The following TGFBRAP1 variants were observed in gnomAD, a reference collection of about 807,000 sequenced individuals.
TGFBRAP1 encodes the protein transforming growth factor-beta receptor-associated protein 1.
In TGFBRAP1, 20 loss-of-function variants were observed where a neutral mutation model predicts 83.2. The observed-to-expected ratio is 0.24, with a 90% CI of 0.17 to 0.35. TGFBRAP1 has a LOEUF of 0.35. Ranked by LOEUF, TGFBRAP1 falls within the 10% of genes least tolerant of loss-of-function variation. The pLI is 1.00. For synonymous variants in TGFBRAP1, 415 were observed against 459.8 expected (o/e 0.90, Z 1.25); for missense variants, 950 against 1,099.4 (o/e 0.86, Z 1.92).
At chr2:105,262,035 G>A (rs956924025), downstream of TGFBRAP1, among the ~76,000 whole-genome samples, 6 of 152,130 alleles carry the variant, frequency 3.9e-5, no homozygotes, top group African/African-American at 1.2e-4. Flanking sequence ...GGTCCTAGAG[G>A]ACATCTTTTG....
the TGFBRAP1 span, among the ~76,000 whole-genome samples, chr2:105,250,568 TCCTCTCCCTCTC>T: frequency 1.1e-5 from 1 of 91,388 alleles, no homozygotes; most frequent in African/African-American, 6.2e-5. Context: ...GAAAGGCTCC[TCCTCTCCCTCTC>T]CCTCCTCTCC....
At chr2:105,257,783 C>G in the TGFBRAP1 span, among the ~76,000 whole-genome samples, 1 of 152,238 alleles carries the variant, frequency 6.6e-6, no homozygotes, top group Non-Finnish European at 1.5e-5. Flanking sequence ...CTGCTTATTG[C>G]CCTAATCCCT....
downstream of TGFBRAP1, chr2:105,264,333 G>C (rs1436182037): frequency 6.6e-6 from 1 of 152,212 alleles, no homozygotes; most frequent in African/African-American, 2.4e-5. Context: ...CAAGTCCTCT[G>C]TAGGTGCTAG....
At chr2:105,267,865 G>A (rs1328341477) in intron 11 of TGFBRAP1, 1 of 985,444 alleles carries the variant, frequency 1.0e-6, no homozygotes, top group Non-Finnish European at 1.2e-6. Flanking sequence ...ATCATTTCAA[G>A]CAAGGCCTGT....
chr2:105,289,349 C>A (rs574436562), intron 4 of TGFBRAP1, among the ~76,000 whole-genome samples: 27 of 152,114 alleles, frequency 1.8e-4, no homozygotes, highest in Admixed American at 4.6e-4. Flanking sequence ...GTATTTTTTT[C>A]TCCTGTACTT....
At chr2:105,316,479 GCA>G (rs1384370823) in intron 1 of TGFBRAP1, among the ~76,000 whole-genome samples, 9,669 of 68,302 alleles carry the variant, frequency 0.14, 479 homozygotes, top group East Asian at 0.28. Flanking sequence ...GCGCGCGCGC[GCA>G]CGCGCACATA....
chr2:105,284,303 C>T lies in TGFBRAP1; in HGVS notation c.1121+13G>A. On this transcript the variant is annotated intron_variant, in intron 5 of 11. Transcript: ENST00000393359. ...ACTGTAGTGGCAGTCTTGCTACCAG[C>T]ACCTCAAATTACCTGAAGAGCTCTT... The T allele has an allele frequency of 1.2e-6, 2 of 1,613,370 alleles. No homozygotes were observed. The highest frequency in any genetic ancestry group is 1.7e-6 in the Non-Finnish European group (2 of 1,179,432).
chr2:105,270,633 A>T (rs896415159), intron 10 of TGFBRAP1, among the ~76,000 whole-genome samples: 1 of 152,244 alleles, frequency 6.6e-6, no homozygotes, highest in African/African-American at 2.4e-5. Flanking sequence ...GCTGTCGCTT[A>T]GGCCTGAAGA....
chr2:105,254,957 C>G, the TGFBRAP1 span, among the ~76,000 whole-genome samples: 1 of 152,300 alleles, frequency 6.6e-6, no homozygotes, highest in Non-Finnish European at 1.5e-5. Context: ...GCATCTTGGT[C>G]TTGGACTTCC....
At chr2:105,261,015 C>T (rs1676776257), downstream of TGFBRAP1, among the ~76,000 whole-genome samples, 1 of 152,156 alleles carries the variant, frequency 6.6e-6, no homozygotes, top group Admixed American at 6.5e-5. Flanking sequence ...CTCTCCTGTA[C>T]TCTGTGTTAA....
In TGFBRAP1 at chr2:105,269,259, G is replaced by T. The variant is rs760768177; in HGVS notation, c.2406+13C>A. 6.3e-7 allele frequency: 1 copy of T among 1,578,482 alleles called. No individual in the cohort carries two copies. The highest frequency in any genetic ancestry group is 1.7e-5 in the Admixed American group (1 of 58,288). Reference sequence around the variant, plus strand: ...GACTGACCAGGAAGCAGCTCGTGGGGGCCAGCACTTACCTTATCGTAGGTG... The same window carrying T: ...GACTGACCAGGAAGCAGCTCGTGGGTGCCAGCACTTACCTTATCGTAGGTG... On this transcript the variant is annotated intron_variant, in intron 11 of 11. Coordinates refer to ENST00000393359, the MANE Select transcript of TGFBRAP1 (RefSeq NM_004257.6). This position sits in a 1 kb window ranked among gnomAD's most constrained non-coding sequence, Gnocchi z 4.1.
chr2:105,299,746 G>C (rs1264512821), intron 2 of TGFBRAP1, among the ~76,000 whole-genome samples: 2 of 151,806 alleles, frequency 1.3e-5, no homozygotes, highest in Admixed American at 1.3e-4. Flanking sequence ...ATAAATAAAG[G>C]GCAAAGGATG....
At chr2:105,314,472 G>A (rs1180061856) in intron 1 of TGFBRAP1, among the ~76,000 whole-genome samples, 7 of 151,348 alleles carry the variant, frequency 4.6e-5, no homozygotes, top group African/African-American at 1.5e-4. Context: ...GGATGGTCTC[G>A]ATCTCCTGAC....
chr2:105,267,906 G>T (rs942569961), intron 11 of TGFBRAP1: 1 of 983,122 alleles, frequency 1.0e-6, no homozygotes, highest in Non-Finnish European at 1.2e-6. Context: ...TGCTGAATGA[G>T]ACCATATAAT....
intron 5 of TGFBRAP1, among the ~76,000 whole-genome samples, chr2:105,281,733 T>C (rs1558634543): frequency 1.3e-5 from 2 of 152,168 alleles, no homozygotes; most frequent in Non-Finnish European, 1.5e-5. Context: ...TAGACCCACT[T>C]ATGTTGCCAG....
intron 1 of TGFBRAP1, among the ~76,000 whole-genome samples, chr2:105,319,095 C>A (rs758432695): frequency 1.2e-4 from 19 of 152,012 alleles, no homozygotes; most frequent in Admixed American, 2.6e-4. Flanking sequence ...GAGTCTCACT[C>A]CATCACATAG....
intron 8 of TGFBRAP1, among the ~76,000 whole-genome samples, chr2:105,275,244 GC>G (rs1434970233): frequency 6.6e-6 from 1 of 152,210 alleles, no homozygotes; most frequent in African/African-American, 2.4e-5. Flanking sequence ...GGGTCGAGGA[GC>G]GGGGTTCACA....
At chr2:105,298,320 C>T (rs1678152271) in intron 3 of TGFBRAP1, among the ~76,000 whole-genome samples, 191 bp downstream of exon 3, 1 of 152,204 alleles carries the variant, frequency 6.6e-6, no homozygotes, top group Admixed American at 6.5e-5. Flanking sequence ...AGCTTTTATA[C>T]TGCCATAGCT....
In TGFBRAP1 at chr2:105,269,142, G is replaced by T; in HGVS notation, c.2406+130C>A. 1 of 1,182,234 alleles carries T rather than the reference G, an allele frequency of 8.5e-7. No individual in the cohort carries two copies. The highest frequency in any genetic ancestry group is 1.7e-5 in the South Asian group (1 of 60,502). 73.2% of individuals were successfully genotyped at this position (1,182,234 alleles called of 1,614,324 possible). A position where few individuals can be genotyped will look rare whatever the true frequency, so the allele number is the denominator to read the frequency against. Reference sequence around the variant, plus strand: ...ACCTCAGTTTCTATGAGTAGGATCAGATATTGATGTGTTGTAGTCATAGAG... The same window carrying T: ...ACCTCAGTTTCTATGAGTAGGATCATATATTGATGTGTTGTAGTCATAGAG... On this transcript the variant is annotated intron_variant, in intron 11 of 11. Transcript: ENST00000393359. This position sits in a 1 kb window ranked among gnomAD's most constrained non-coding sequence, Gnocchi z 4.1.
Sources: allele counts gnomAD v4.1 joint callset (sites outside exome capture counted in the v4.1 genomes callset), GRCh38; gene constraint gnomAD v4.1.1; non-coding constraint Gnocchi (gnomAD v3.1); transcripts MANE v1.5; gene names NCBI Gene and HGNC (gene_info 2026-07-23, HGNC 2026-07-21).